SYBU: variants seen among roughly 807,000 people sequenced by gnomAD.
The protein encoded by SYBU is syntabulin.
A neutral mutation model predicts 35.9 loss-of-function variants in SYBU; 21 were observed. That is an observed-to-expected ratio of 0.58 (90% CI 0.41 to 0.84). The LOEUF (loss-of-function observed/expected upper bound fraction) is 0.84. SYBU is among the 40% of genes least tolerant of loss of function. The pLI is 0.00. For synonymous variants in SYBU, 319 were observed against 324.3 expected (o/e 0.98, Z 0.18); for missense variants, 768 against 848.2 (o/e 0.91, Z 1.17).
chr8:109,643,678 G>A (rs6985646), intron 1 of SYBU: 49,516 of 156,754 alleles, frequency 0.32, 9,415 homozygotes, highest in African/African-American at 0.54. Flanking sequence ...TTAAAAATGC[G>A]TAACAGTAAT....
intron 3 of SYBU, among the ~76,000 whole-genome samples, chr8:109,596,150 C>T (rs1017451654): frequency 7.2e-5 from 11 of 152,140 alleles, no homozygotes; most frequent in African/African-American, 1.2e-4. Flanking sequence ...GAGTGCCATA[C>T]GAAACTAAGC....
Position 109,644,742 on chromosome 8 carries a change from C to T in SYBU, c.-83G>A. 1 of 1,298,180 alleles carries T rather than the reference C, an allele frequency of 7.7e-7. No individual in the cohort carries two copies. Among genetic ancestry groups the T allele is most frequent in the Non-Finnish European group, 9.9e-7 (1 of 1,012,536 alleles). 80.4% of individuals were successfully genotyped at this position (1,298,180 alleles called of 1,614,324 possible). Reference sequence around the variant, plus strand: ...CTGCGAGCACGGAGCGAGGAGACTGCGCTGAGCCGGCGCGGGCTGCGGGCG... The same window carrying T: ...CTGCGAGCACGGAGCGAGGAGACTGTGCTGAGCCGGCGCGGGCTGCGGGCG... On this transcript the variant is annotated 5_prime_UTR_variant, in exon 1 of 7. Transcript: ENST00000276646.
chr8:109,627,924 A>G (rs934083659), intron 2 of SYBU, among the ~76,000 whole-genome samples: 2 of 152,182 alleles, frequency 1.3e-5, no homozygotes, highest in African/African-American at 4.8e-5. Context: ...TCCTTCACCC[A>G]ATTTTAGCAT....
At chr8:109,629,894 G>A (rs371753353) in intron 2 of SYBU, among the ~76,000 whole-genome samples, 216 of 152,136 alleles carry the variant, frequency 1.4e-3, no homozygotes, top group African/African-American at 5.0e-3. Context: ...TCTGATGGCC[G>A]GTGATGATGA....
intron 1 of SYBU, among the ~76,000 whole-genome samples, chr8:109,661,750 G>A (rs1816569117): frequency 6.6e-6 from 1 of 152,190 alleles, no homozygotes; most frequent in Admixed American, 6.5e-5. Flanking sequence ...GCACTCAACA[G>A]TTCTGTTATT....
intron 3 of SYBU, among the ~76,000 whole-genome samples, chr8:109,607,673 C>T (rs1826199730): frequency 6.6e-6 from 1 of 152,138 alleles, no homozygotes; most frequent in South Asian, 2.1e-4. Context: ...AATAGACTTA[C>T]AAATGACAAA....
At position 109,691,456 on chromosome 8, in the gene SYBU, G is replaced by C; in HGVS notation, c.-181C>G. Reference sequence around the variant, plus strand: ...CGGGACCCCGCGTCGCTGCTGGTTTGCGCTCAGGCCCGGGGAGCCGGGCCC... The same window carrying C: ...CGGGACCCCGCGTCGCTGCTGGTTTCCGCTCAGGCCCGGGGAGCCGGGCCC... On this transcript the variant is annotated 5_prime_UTR_variant, in exon 1 of 8. Coordinates refer to the SYBU transcript ENST00000422135. This position sits in a 1 kb window ranked among gnomAD's most constrained non-coding sequence, Gnocchi z 4.7. The C allele has an allele frequency of 1.6e-6, 1 of 632,698 alleles. No homozygotes were observed. Among genetic ancestry groups the C allele is most frequent in the Non-Finnish European group, 2.8e-6 (1 of 356,776 alleles). 39.2% of individuals were successfully genotyped at this position (632,698 alleles called of 1,614,324 possible).
upstream of SYBU, chr8:109,645,489 G>A (rs1025827300): frequency 1.4e-5 from 5 of 366,088 alleles, no homozygotes; most frequent in South Asian, 6.1e-5. Flanking sequence ...GCAGCTGCCC[G>A]GCTCCAGGAA....
chr8:109,655,653 G>A (rs940476652), intron 1 of SYBU, among the ~76,000 whole-genome samples: 7 of 152,090 alleles, frequency 4.6e-5, no homozygotes, highest in Non-Finnish European at 8.8e-5. Context: ...TTTTCCTCCT[G>A]CTTTCTTCTA....
intron 1 of SYBU, among the ~76,000 whole-genome samples, chr8:109,651,932 T>G (rs967485360): frequency 6.6e-6 from 1 of 152,222 alleles, no homozygotes; most frequent in Non-Finnish European, 1.5e-5. Context: ...CCAGGACTTT[T>G]CCTCCAGAAG....
At position 109,574,613 on chromosome 8, in the gene SYBU, G is replaced by A. The variant is rs1212308309; in HGVS notation, c.*293C>T. 5 of 302,140 alleles carry A rather than the reference G, an allele frequency of 1.7e-5. No individual in the cohort carries two copies. The highest frequency in any genetic ancestry group is 2.4e-5 in the Non-Finnish European group (4 of 164,752). The allele number at this position is 302,140 out of a possible 1,614,324, so 18.7% of individuals were successfully genotyped here. ...AAGCTGTCTTGAAAGTGCAAACTGC[G>A]TTTTCTCTTCCTGAACCACTAGGAT... On this transcript the variant is annotated 3_prime_UTR_variant, in exon 7 of 7. Coordinates refer to ENST00000276646, the MANE Select transcript of SYBU (RefSeq NM_001099754.2).
chr8:109,615,841 TG>T, intron 3 of SYBU, among the ~76,000 whole-genome samples: 1 of 152,180 alleles, frequency 6.6e-6, no homozygotes, highest in South Asian at 2.1e-4. Context: ...TGTGATATTT[TG>T]TGCATATGGA....
chr8:109,609,352 C>T (rs942345023), intron 3 of SYBU, among the ~76,000 whole-genome samples: 9 of 152,222 alleles, frequency 5.9e-5, no homozygotes, highest in African/African-American at 2.2e-4. Context: ...AAGAAATTCA[C>T]AAACAGATTT....
chr8:109,621,545 G>A (rs1367657119), intron 2 of SYBU, among the ~76,000 whole-genome samples: 2 of 152,096 alleles, frequency 1.3e-5, no homozygotes, highest in Non-Finnish European at 2.9e-5. Flanking sequence ...GTGTTGGGGG[G>A]GCAATACTAG....
At position 109,577,854 on chromosome 8, in the gene SYBU, G is replaced by A. The variant is rs1380461560; in HGVS notation, c.884+14C>T. ...GTTGTCCTACACCCCACCGTTCAAG[G>A]AAGGCAGATTCACCTTTCATGGAGT... On this transcript the variant is annotated intron_variant, in intron 6 of 6. Transcript: ENST00000276646. The A allele has an allele frequency of 1.9e-6, 3 of 1,606,680 alleles. No individual in the cohort carries two copies. The highest frequency in any genetic ancestry group is 2.6e-6 in the Non-Finnish European group (3 of 1,175,914).
At chr8:109,598,206 C>T (rs888141998) in intron 3 of SYBU, among the ~76,000 whole-genome samples, 14 of 152,226 alleles carry the variant, frequency 9.2e-5, no homozygotes, top group Non-Finnish European at 1.8e-4. Flanking sequence ...GTGAGAGCAG[C>T]CGGCTTGACT....
intron 1 of SYBU, 106 bp from the exon 2 acceptor site, chr8:109,643,038 T>A: frequency 6.9e-7 from 1 of 1,446,428 alleles, no homozygotes; most frequent in Non-Finnish European, 9.1e-7. Context: ...CATTTCTGAG[T>A]ATTGAGTCTT....
At chr8:109,616,006 CTTTTT>C (rs35120699) in intron 3 of SYBU, among the ~76,000 whole-genome samples, 1 of 67,778 alleles carries the variant, frequency 1.5e-5, no homozygotes, top group Non-Finnish European at 2.6e-5. Context: ...TCTTTTCTTT[CTTTTT>C]TTTTTTTTTT....
At chr8:109,658,722 G>T (rs1816449041) in intron 1 of SYBU, among the ~76,000 whole-genome samples, 1 of 152,168 alleles carries the variant, frequency 6.6e-6, no homozygotes, top group Non-Finnish European at 1.5e-5. Flanking sequence ...AGAAGGCCAA[G>T]GTGGGCAGAT....
Sources: allele counts gnomAD v4.1 joint callset (sites outside exome capture counted in the v4.1 genomes callset), GRCh38; gene constraint gnomAD v4.1.1; non-coding constraint Gnocchi (gnomAD v3.1); transcripts MANE v1.5; gene names NCBI Gene and HGNC (gene_info 2026-07-23, HGNC 2026-07-21).